The following RMC1 variants were observed in gnomAD, a reference collection of about 807,000 sequenced individuals.
The protein encoded by RMC1 is regulator of MON1-CCZ1 complex.
A neutral mutation model predicts 95.5 loss-of-function variants in RMC1; 44 were observed. The observed-to-expected ratio is 0.46, with a 90% CI of 0.36 to 0.59. The LOEUF (loss-of-function observed/expected upper bound fraction) is 0.59, where lower values mean the gene tolerates loss of function less well. Among genes scored for constraint, RMC1 ranks in the 20% least tolerant of loss-of-function variants. The pLI, the probability that RMC1 is intolerant of heterozygous loss-of-function variation, is 0.00. For missense variants in RMC1, 705 were observed against 819.6 expected (o/e 0.86, Z 1.71); for synonymous variants, 320 against 303.6 (o/e 1.05, Z -0.56).
chr18:23,531,411 T>A lies in RMC1; in HGVS notation c.1895-214T>A. ...ATTTCTAGCTCAATGTAAGACGGCA[T>A]TTAGTTACCATAAGGACAGGTTAGA... On this transcript the variant is annotated intron_variant, in intron 19 of 19. Coordinates refer to ENST00000269221, the MANE Select transcript of RMC1 (RefSeq NM_013326.5). The A allele has an allele frequency of 5.2e-6, 5 of 965,202 alleles. No individual in the cohort carries two copies. The South Asian group carries it at 1.1e-4, about 21-fold the overall frequency. 59.8% of individuals were successfully genotyped at this position (965,202 alleles called of 1,614,324 possible). A position where few individuals can be genotyped will look rare whatever the true frequency, so the allele number is the denominator to read the frequency against.
rs1445973668 is a variant in RMC1 at position 23,503,822 on chromosome 18, TGTCCC to T, written c.102+113_102+117del. Reference sequence around the variant, plus strand: ...CAGGCCCGAGCGTCCCCTCCTGTCCTGTCCCGTCCCGTCCCAGCGCGGGAGGCGGC... The same window carrying T: ...CAGGCCCGAGCGTCCCCTCCTGTCCTGTCCCGTCCCAGCGCGGGAGGCGGC... On this transcript the variant is annotated intron_variant, in intron 1 of 19. Coordinates refer to ENST00000269221, the MANE Select transcript of RMC1 (RefSeq NM_013326.5). 11 of 979,224 alleles carry T rather than the reference TGTCCC, an allele frequency of 1.1e-5. No homozygotes were observed. The Admixed American group carries it at 1.2e-4, about 11-fold the overall frequency. 60.7% of individuals were successfully genotyped at this position (979,224 alleles called of 1,614,324 possible). A position where few individuals can be genotyped will look rare whatever the true frequency, so the allele number is the denominator to read the frequency against.
At position 23,503,662 on chromosome 18, in the gene RMC1, T is replaced by C. The variant is rs563278933; in HGVS notation, c.44T>C (p.Val15Ala). 6.3e-7 allele frequency: 1 copy of C among 1,591,790 alleles called. No homozygotes were observed. The highest frequency in any genetic ancestry group is 2.4e-5 in the East Asian group (1 of 42,146). Residue 15 changes from valine (V) to alanine (A), a missense_variant, in exon 1 of 20, where the codon GTG becomes GCG. Physicochemically the swap from Val to Ala is moderately conservative, Grantham distance 64 (BLOSUM62 0). Transcript: ENST00000269221. ...TATCTGGAGCTGTGCGAGCGGCCGG[T>C]GCAGTTCGAGAAGGCGAACCCTGTC... ...DYYLELCERP[V>A]QFEKANPVNC...
At chr18:23,524,285 C>A in intron 11 of RMC1, 111 bp downstream of exon 11, 1 of 1,495,378 alleles carries the variant, frequency 6.7e-7, no homozygotes, top group East Asian at 2.3e-5. Flanking sequence ...CGAGAGCCAC[C>A]CCGCAGGCAG....
rs775724739 is a variant in RMC1 at position 23,524,478 on chromosome 18, C to G, written c.1056C>G (p.Ser352Arg). The change falls in exon 12 of 20, where the codon AGC (serine) becomes AGG (arginine). Residue 352 changes from serine (S) to arginine (R), a missense_variant. Ser to Arg is a moderately radical substitution (Grantham distance 110, BLOSUM62 -1). Coordinates refer to ENST00000269221, the MANE Select transcript of RMC1 (RefSeq NM_013326.5). ...AACCTGACATCATTATCAGCGCAAG[C>G]CAAGGTAGGTCAGCGGGGACAGTTG... ...VFQPDIIISA[S>R]QGYLWNLQVK... 2 of 1,613,852 alleles carry G rather than the reference C, an allele frequency of 1.2e-6. No individual in the cohort carries two copies. Among genetic ancestry groups the G allele is most frequent in the African/African-American group, 2.7e-5 (2 of 74,908 alleles).
At chr18:23,525,433 ATAAT>A (rs1389714306) in intron 12 of RMC1, among the ~76,000 whole-genome samples, 3 of 151,586 alleles carry the variant, frequency 2.0e-5, no homozygotes, top group African/African-American at 4.9e-5. Flanking sequence ...AATAATAATA[ATAAT>A]TATTTTGAGA....
chr18:23,508,048 C>T lies in RMC1; in HGVS notation c.321+7C>T, dbSNP rs376959186. ...ATACACACAGGAGTGCAAGGTATGACCCCAGGCCCTTTCTCAGCTGCTGGT... is the reference window on the plus strand; with the variant it reads ...ATACACACAGGAGTGCAAGGTATGATCCCAGGCCCTTTCTCAGCTGCTGGT... On this transcript the variant is annotated splice_region_variant and intron_variant, in intron 4 of 19. Transcript: ENST00000269221. The T allele has an allele frequency of 1.2e-5, 19 of 1,601,562 alleles. No individual in the cohort carries two copies. The African/African-American group carries it at 2.1e-4, about 18-fold the overall frequency.
intron 2 of RMC1, among the ~76,000 whole-genome samples, chr18:23,505,233 G>A (rs1388532982): frequency 1.3e-5 from 2 of 151,978 alleles, no homozygotes; most frequent in African/African-American, 4.8e-5. Flanking sequence ...AATTTTTTTT[G>A]TATTTTTAGT....
chr18:23,524,941 CTTTTTTTTT>C (rs5823396), intron 12 of RMC1, among the ~76,000 whole-genome samples: 4 of 69,210 alleles, frequency 5.8e-5, no homozygotes, highest in East Asian at 5.1e-4. Context: ...TTAGAGAAAT[CTTTTTTTTT>C]TTTTTTTTTT....
At chr18:23,524,280 G>C in intron 11 of RMC1, 106 bp downstream of exon 11, 2 of 1,508,904 alleles carry the variant, frequency 1.3e-6, no homozygotes. Context: ...CACTCCGAGA[G>C]CCACCCCGCA....
Position 23,530,260 on chromosome 18 carries a change from ATCC to A in RMC1, c.1636_1638del (p.Pro546del), listed in dbSNP as rs1458909355. On this transcript the variant is annotated inframe_deletion, in exon 18 of 20. Coordinates refer to ENST00000269221, the MANE Select transcript of RMC1 (RefSeq NM_013326.5). ...CTGCTGTTATCCCTAGAGAGTTTCT[ATCC>A]TCCTGCTCATCAGCTATCTCTGGAC... is the stretch of plus-strand genomic sequence containing the variant. The A allele has an allele frequency of 2.5e-6, 4 of 1,614,216 alleles. No individual in the cohort carries two copies. The highest frequency in any genetic ancestry group is 2.5e-6 in the Non-Finnish European group (3 of 1,180,032).
intron 15 of RMC1, 21 bp downstream of exon 15, chr18:23,529,319 T>G (rs757156664): frequency 1.9e-6 from 3 of 1,595,526 alleles, no homozygotes; most frequent in Admixed American, 3.7e-5. Flanking sequence ...GCTTTCCGCC[T>G]CTTCTGGACT....
At chr18:23,525,142 T>C (rs2058259942) in intron 12 of RMC1, among the ~76,000 whole-genome samples, 1 of 151,344 alleles carries the variant, frequency 6.6e-6, no homozygotes, top group South Asian at 2.1e-4. Flanking sequence ...GACGAGGTTT[T>C]TCCATGTTGG....
At chr18:23,522,055 G>A (rs143768838) in intron 10 of RMC1, among the ~76,000 whole-genome samples, 10 of 152,274 alleles carry the variant, frequency 6.6e-5, no homozygotes, top group African/African-American at 1.2e-4. Flanking sequence ...TCCTTGTACC[G>A]TTCACCCGGG....
chr18:23,529,677 A>G lies in RMC1; in HGVS notation c.1459A>G (p.Ile487Val), dbSNP rs748503941. 6 of 1,614,054 alleles carry G rather than the reference A, an allele frequency of 3.7e-6. No individual in the cohort carries two copies. In the East Asian group the frequency reaches 1.1e-4, roughly 30 times the overall value. The change falls in exon 16 of 20, where the codon ATT becomes GTT. Residue 487 changes from isoleucine to valine, a missense_variant. Transcript: ENST00000269221. ...KFVIAVLMEY[I>V]RSLNQFQIAV... ...TGTGATAGCCGTGCTGATGGAATAC[A>G]TTCGTTCTCTTAACCAGTTTCAGAT...
chr18:23,528,106 G>GC, intron 14 of RMC1: 1 of 507,774 alleles, frequency 2.0e-6, no homozygotes, highest in South Asian at 2.6e-5. Context: ...GCTGGCGGCT[G>GC]CATCTCACTT....
chr18:23,504,425 G>A lies in RMC1; in HGVS notation c.157G>A (p.Asp53Asn), dbSNP rs2057663792. 2 of 1,613,868 alleles carry A rather than the reference G, an allele frequency of 1.2e-6. No homozygotes were observed. Among genetic ancestry groups the A allele is most frequent in the South Asian group, 1.1e-5 (1 of 91,084 alleles). ...ATGVVVKGPD[D>N]RNPISFRMDD... Reference sequence around the variant, plus strand: ...TGGCGTGGTAGTTAAAGGCCCAGATGATAGGAATCCCATCTCATTTAGGTA... The same window carrying A: ...TGGCGTGGTAGTTAAAGGCCCAGATAATAGGAATCCCATCTCATTTAGGTA... The change falls in exon 2 of 20, where the codon GAT (aspartate) becomes AAT (asparagine). Residue 53 changes from aspartate to asparagine, a missense_variant. Coordinates refer to ENST00000269221, the MANE Select transcript of RMC1 (RefSeq NM_013326.5).
intron 14 of RMC1, 188 bp downstream of exon 14, chr18:23,528,089 C>T: frequency 3.8e-6 from 2 of 530,052 alleles, no homozygotes; most frequent in South Asian, 2.5e-5. Flanking sequence ...GTCCCTGCAT[C>T]CCACGAGCTG....
At chr18:23,506,570 A>G (rs1216290761) in intron 2 of RMC1, 1 of 204,690 alleles carries the variant, frequency 4.9e-6, no homozygotes, top group East Asian at 1.7e-4. Flanking sequence ...GAGACACTGT[A>G]GTGGAGCCAT....
At chr18:23,529,884 G>T in intron 16 of RMC1, 144 bp from the exon 17 acceptor site, 1 of 1,029,090 alleles carries the variant, frequency 9.7e-7, no homozygotes, top group South Asian at 1.5e-5. Flanking sequence ...GTCAAGTTGG[G>T]GTCTTTACCT....
Sources: gnomAD v4.1 joint callset for allele counts (sites outside exome capture counted in the v4.1 genomes callset) on GRCh38, gnomAD v4.1.1 for gene constraint, MANE v1.5 for transcripts, NCBI Gene and HGNC (gene_info 2026-07-23, HGNC 2026-07-21) for gene names.